SYTL2: variants seen among roughly 807,000 people sequenced by gnomAD.
SYTL2 encodes synaptotagmin-like protein 2.
A neutral mutation model predicts 198.7 loss-of-function variants in SYTL2; 165 were observed. That is an observed-to-expected ratio of 0.83 (90% CI 0.73 to 0.94). The LOEUF is 0.94. SYTL2 is among the 40% of genes least tolerant of loss of function. The probability of loss-of-function intolerance (pLI) is 0.00; values close to 1 mark genes in which losing one functional copy is unlikely to be tolerated. For synonymous variants in SYTL2, 966 were observed against 917.7 expected, an observed-to-expected ratio of 1.05 and a Z score of -0.95; for missense variants, 2,835 against 2,582.8, an observed-to-expected ratio of 1.10 and a Z score of -2.12.
chr11:85,737,817 C>T (rs1421707469), intron 4 of SYTL2, among the ~76,000 whole-genome samples, 161 bp from the exon 5 acceptor site: 2 of 152,182 alleles, frequency 1.3e-5, no homozygotes, highest in Non-Finnish European at 1.5e-5. Flanking sequence ...AGGGACAGGA[C>T]AGCACCAGAG....
intron 1 of SYTL2, among the ~76,000 whole-genome samples, chr11:85,787,965 G>A (rs780713469): frequency 1.7e-4 from 26 of 152,102 alleles, no homozygotes; most frequent in Non-Finnish European, 3.7e-4. Context: ...TCCTCCAAGT[G>A]TGCAGCTGTC....
chr11:85,822,939 C>T, the SYTL2 span, among the ~76,000 whole-genome samples: 1 of 152,232 alleles, frequency 6.6e-6, no homozygotes, highest in Admixed American at 6.5e-5. Flanking sequence ...TTGTAGGCCT[C>T]TGAGTGTGAA....
the SYTL2 span, among the ~76,000 whole-genome samples, chr11:85,843,334 C>T: frequency 6.6e-6 from 1 of 152,106 alleles, no homozygotes; most frequent in Non-Finnish European, 1.5e-5. Flanking sequence ...TGCCACTGCA[C>T]TCCAGCCTGG....
chr11:85,784,079 T>G (rs912691662), intron 1 of SYTL2, among the ~76,000 whole-genome samples: 1 of 152,210 alleles, frequency 6.6e-6, no homozygotes, highest in Admixed American at 6.5e-5. Flanking sequence ...CTTCCTAGTA[T>G]GACCCAGAAC....
chr11:85,849,596 T>C, the SYTL2 span, among the ~76,000 whole-genome samples: 4 of 151,432 alleles, frequency 2.6e-5, no homozygotes, highest in Non-Finnish European at 5.9e-5. Flanking sequence ...CAGATAGTTG[T>C]AGATATGCGG....
At chr11:85,841,744 G>A in the SYTL2 span, among the ~76,000 whole-genome samples, 1 of 152,100 alleles carries the variant, frequency 6.6e-6, no homozygotes, top group Admixed American at 6.5e-5. Context: ...CTGGGTGACA[G>A]AATAATCTGT....
In SYTL2 at chr11:85,798,380, C is replaced by T. The variant is rs4944537; in HGVS notation, c.-390+12574G>A. Among the ~76,000 whole-genome samples, 1,084 of 152,332 alleles carry T rather than the reference C, an allele frequency of 7.1e-3. 42 individuals carry two copies. The highest frequency in any genetic ancestry group is 0.063 in the Admixed American group (970 of 15,296). On this transcript the variant is annotated intron_variant, in intron 1 of 19. Coordinates refer to ENST00000359152, the MANE Select transcript of SYTL2 (RefSeq NM_206927.4). ...CTTCACATGCCTAAATACATAGCGT[C>T]TTGAGAAATGGGCCCTTCTCTTATG...
chr11:85,731,880 C>T (rs751657665), intron 7 of SYTL2, among the ~76,000 whole-genome samples: 66 of 151,986 alleles, frequency 4.3e-4, no homozygotes, highest in African/African-American at 1.3e-3. Context: ...CTTAAATTTA[C>T]AAGAAAATTT....
At chr11:85,717,411 T>A in intron 11 of SYTL2, 72 bp downstream of exon 11, 1 of 1,262,288 alleles carries the variant, frequency 7.9e-7, no homozygotes. Context: ...ATTAATGGGG[T>A]TAGTTATTTC....
At chr11:85,826,186 A>T in the SYTL2 span, among the ~76,000 whole-genome samples, 1 of 152,196 alleles carries the variant, frequency 6.6e-6, no homozygotes, top group African/African-American at 2.4e-5. Context: ...CCAGATCCCC[A>T]GGTGATTCTT....
At position 85,726,024 on chromosome 11, in the gene SYTL2, G is replaced by C. The variant is rs1171758402; in HGVS notation, c.3334C>G (p.Gln1112Glu). 1.2e-6 allele frequency: 2 copies of C among 1,613,256 alleles called. No homozygotes were observed. Among genetic ancestry groups the C allele is most frequent in the Non-Finnish European group, 1.7e-6 (2 of 1,179,750 alleles). Reference sequence around the variant, plus strand: ...TTTATTATGGATTCTTGAATCTCTTGTTCTGAGTAATCCTTTTCTTCCTTA... The same window carrying C: ...TTTATTATGGATTCTTGAATCTCTTCTTCTGAGTAATCCTTTTCTTCCTTA... ...VFKEEKDYSE[Q>E]EIQESIIKTN... is the part of the protein sequence containing the mutation. Residue 1112 changes from glutamine (Q) to glutamate (E), a missense_variant, in exon 8 of 20, where the codon CAA (glutamine) becomes GAA (glutamate). Around this residue, in one of 3 missense-constraint regions of SYTL2, gnomAD observed 2,645 missense variants for 2,381.7 expected, o/e 1.11. Transcript: ENST00000359152.
intron 1 of SYTL2, among the ~76,000 whole-genome samples, chr11:85,810,517 C>A (rs1335248248): frequency 6.6e-6 from 1 of 152,112 alleles, no homozygotes; most frequent in Non-Finnish European, 1.5e-5. Flanking sequence ...AAGGAGAAAT[C>A]ATCATCCCCT....
At chr11:85,752,952 C>CA (rs890345075) in intron 2 of SYTL2, among the ~76,000 whole-genome samples, 1 of 37,576 alleles carries the variant, frequency 2.7e-5, no homozygotes, top group African/African-American at 8.4e-5. Context: ...AAAAAAAAAA[C>CA]ACAACTAGGT....
Position 85,727,473 on chromosome 11 carries a change from C to T in SYTL2, c.1885G>A (p.Gly629Ser). The T allele has an allele frequency of 6.5e-7, 1 of 1,536,056 alleles. No individual in the cohort carries two copies. Among genetic ancestry groups the T allele is most frequent in the Non-Finnish European group, 8.7e-7 (1 of 1,146,876 alleles). Residue 629 changes from glycine (G) to serine (S), a missense_variant, in exon 8 of 20, where the codon GGT becomes AGT. By Grantham distance (56) the Gly-to-Ser change is moderately conservative. Transcript: ENST00000359152. ...TAGCTTTCAAATGGTTGCAATATAC[C>T]TGGGCCTTCCTTTGGGGTGCCTTTT... is the stretch of plus-strand genomic sequence containing the variant. ...SQKGTPKEGP[G>S]ILQPFESYGT...
the SYTL2 span, among the ~76,000 whole-genome samples, chr11:85,825,816 T>C: frequency 6.6e-6 from 1 of 152,210 alleles, no homozygotes; most frequent in African/African-American, 2.4e-5. Flanking sequence ...TCTCTTAACT[T>C]CTCTAAGACT....
chr11:85,732,755 T>TG (rs1346388726), intron 7 of SYTL2, among the ~76,000 whole-genome samples: 2 of 152,122 alleles, frequency 1.3e-5, no homozygotes, highest in Non-Finnish European at 2.9e-5. Context: ...TAAAAAAAAT[T>TG]TTTTTTAAAA....
Position 85,773,877 on chromosome 11 carries a change from T to C in SYTL2, c.-389-15763A>G, listed in dbSNP as rs1337514549. On this transcript the variant is annotated intron_variant, in intron 1 of 19. Coordinates refer to ENST00000359152, the MANE Select transcript of SYTL2 (RefSeq NM_206927.4). ...AGCTGAAAAATATATATTAAATTTG[T>C]CCCTGAAAAACCTCTCTTTAAACCA... Among the ~76,000 whole-genome samples the C allele has an allele frequency of 3.3e-5, 5 of 152,214 alleles. No individual in the cohort carries two copies. In the East Asian group the frequency reaches 9.6e-4, roughly 29 times the overall value.
At chr11:85,753,520 T>C (rs1472669559) in intron 2 of SYTL2, among the ~76,000 whole-genome samples, 1 of 152,126 alleles carries the variant, frequency 6.6e-6, no homozygotes, top group Non-Finnish European at 1.5e-5. Flanking sequence ...TGTTCTACCA[T>C]TAACAGACCA....
At chr11:85,737,948 G>C (rs1355811131) in intron 4 of SYTL2, among the ~76,000 whole-genome samples, 1 of 152,178 alleles carries the variant, frequency 6.6e-6, no homozygotes, top group African/African-American at 2.4e-5. Context: ...TGGGTGGGGA[G>C]AGGAACAACC....
Sources: gnomAD v4.1 joint callset for allele counts (sites outside exome capture counted in the v4.1 genomes callset) on GRCh38, gnomAD v4.1.1 for gene constraint, gnomAD v4.1.1 regional missense constraint, MANE v1.5 for transcripts, NCBI Gene and HGNC (gene_info 2026-07-23, HGNC 2026-07-21) for gene names.